The following ATP6V1C2 variants were observed in gnomAD, a reference collection of about 807,000 sequenced individuals.
The protein encoded by ATP6V1C2 is V-type proton ATPase subunit C 2.
Under a neutral mutation model 56.8 loss-of-function variants are expected in ATP6V1C2, and 45 were observed. The ratio of observed to expected loss-of-function variants is 0.79; its 90% CI spans 0.62 to 1.02. ATP6V1C2 has a LOEUF of 1.02. Ranked by LOEUF, ATP6V1C2 falls within the 50% of genes least tolerant of loss-of-function variation. The probability of loss-of-function intolerance (pLI) is 0.00; values close to 1 mark genes in which losing one functional copy is unlikely to be tolerated. For missense variants in ATP6V1C2, 463 were observed against 519.7 expected, an observed-to-expected ratio of 0.89 and a Z score of 1.06; for synonymous variants, 220 against 201.3, an observed-to-expected ratio of 1.09 and a Z score of -0.79.
chr2:10,722,716 C>T, intron 1 of ATP6V1C2, 108 bp from the exon 2 acceptor site: 2 of 1,211,298 alleles, frequency 1.7e-6, no homozygotes, highest in Non-Finnish European at 2.3e-6. Context: ...GTCCTTGGAG[C>T]TCATCCTAGA....
Position 10,763,342 on chromosome 2 carries a change from G to A in ATP6V1C2, c.284-989G>A, listed in dbSNP as rs1201858492. The stretch of plus-strand genomic sequence containing the variant: ...GACACGATCCTCCCTAGGAGGAGCC[G>A]GCGCCAGCTCTTTGTCCTCCCTTAG... On this transcript the variant is annotated intron_variant, in intron 4 of 13. Coordinates refer to ENST00000272238, the MANE Select transcript of ATP6V1C2 (RefSeq NM_001039362.2). This position sits in a 1 kb window ranked among gnomAD's most constrained non-coding sequence, Gnocchi z 4.2. Among the ~76,000 whole-genome samples the A allele has an allele frequency of 1.3e-5, 2 of 152,094 alleles. No homozygotes were observed. The highest frequency in any genetic ancestry group is 4.8e-5 in the African/African-American group (2 of 41,416).
intron 11 of ATP6V1C2, 105 bp from the exon 12 acceptor site, chr2:10,778,467 C>T: frequency 9.5e-7 from 1 of 1,057,168 alleles, no homozygotes; most frequent in Non-Finnish European, 1.4e-6. Context: ...CTCCTGGGCA[C>T]TTCTTCTCAG....
rs1429105408 is a variant in ATP6V1C2 at position 10,777,567 on chromosome 2, T to A, written c.826-18T>A. The A allele has an allele frequency of 6.2e-7, 1 of 1,602,106 alleles. No individual in the cohort carries two copies. The highest frequency in any genetic ancestry group is 1.3e-5 in the African/African-American group (1 of 74,260). ...GCATGTTTGCTGAAAGATTAATAAA[T>A]CATTTCTGTGCCTTTAGCAAACTTC... On this transcript the variant is annotated intron_variant, in intron 10 of 13. Coordinates refer to ENST00000272238, the MANE Select transcript of ATP6V1C2 (RefSeq NM_001039362.2).
Position 10,780,063 on chromosome 2 carries a change from A to G in ATP6V1C2, c.1061+1394A>G, listed in dbSNP as rs1374909706. 1.3e-5 allele frequency among the ~76,000 whole-genome samples: 2 copies of G among 151,684 alleles called. No individual in the cohort carries two copies. Among genetic ancestry groups the G allele is most frequent in the African/African-American group, 4.8e-5 (2 of 41,238 alleles). ...CCCCGCCTGCACTGAGGAGCTCCTC[A>G]TCCCTCCCTGCCGTCCCCCTGGCTG... On this transcript the variant is annotated intron_variant, in intron 12 of 13. Coordinates refer to ENST00000272238, the MANE Select transcript of ATP6V1C2 (RefSeq NM_001039362.2). The surrounding 1 kb of genome is among the most constrained non-coding windows in gnomAD (Gnocchi z 4.1).
At chr2:10,778,359 G>A (rs376097621) in intron 11 of ATP6V1C2, 36 of 570,990 alleles carry the variant, frequency 6.3e-5, no homozygotes, top group Admixed American at 5.7e-4. Flanking sequence ...TGCATGCACC[G>A]GGTGGCTGGC....
intron 3 of ATP6V1C2, among the ~76,000 whole-genome samples, chr2:10,748,896 G>A (rs755396695): frequency 2.0e-5 from 3 of 151,962 alleles, no homozygotes; most frequent in Non-Finnish European, 4.4e-5. Flanking sequence ...TTGGGCGGCC[G>A]AGTGGGTGGA....
chr2:10,732,967 C>CAAAAA lies in ATP6V1C2; in HGVS notation c.197+6407_197+6411dup, dbSNP rs34565390. 7.4e-3 allele frequency among the ~76,000 whole-genome samples: 933 copies of CAAAAA among 126,076 alleles called. 13 individuals carry two copies. The highest frequency in any genetic ancestry group is 0.025 in the African/African-American group (851 of 34,598). 82.7% of individuals were successfully genotyped at this position (126,076 alleles called of 152,430 possible). A position where few individuals can be genotyped will look rare whatever the true frequency, so the allele number is the denominator to read the frequency against. On this transcript the variant is annotated intron_variant, in intron 3 of 13. Transcript: ENST00000272238. ...GCCTGACGACAGAGCAAGACTGTCT[C>CAAAAA]AAAAAAAAAAAAAGAAAAAGAAATG... is the stretch of plus-strand genomic sequence containing the variant.
intron 6 of ATP6V1C2, among the ~76,000 whole-genome samples, chr2:10,769,542 A>G (rs554769133): frequency 6.6e-6 from 1 of 152,206 alleles, no homozygotes; most frequent in South Asian, 2.1e-4. Context: ...CGTCCCTACT[A>G]AAAATACAAA....
At chr2:10,764,468 C>A in intron 5 of ATP6V1C2, 43 bp downstream of exon 5, 1 of 1,567,464 alleles carries the variant, frequency 6.4e-7, no homozygotes, top group South Asian at 1.1e-5. Flanking sequence ...ACTGGTGGGT[C>A]AGGCGGGCAA....
At chr2:10,772,114 G>C (rs1384807645) in intron 7 of ATP6V1C2, among the ~76,000 whole-genome samples, 177 bp downstream of exon 7, 1 of 152,208 alleles carries the variant, frequency 6.6e-6, no homozygotes, top group East Asian at 1.9e-4. Context: ...GTGGTTGGGT[G>C]ATGGTGGTTG....
At chr2:10,778,986 C>A (rs540763893) in intron 12 of ATP6V1C2, among the ~76,000 whole-genome samples, 1 of 152,186 alleles carries the variant, frequency 6.6e-6, no homozygotes, top group Non-Finnish European at 1.5e-5. Context: ...CCGCAGGGCC[C>A]GAGTGGCTCC....
At chr2:10,760,648 TAC>T (rs571857383) in intron 4 of ATP6V1C2, among the ~76,000 whole-genome samples, 191 of 152,320 alleles carry the variant, frequency 1.3e-3, no homozygotes, top group Admixed American at 2.5e-3. Flanking sequence ...GCAGAGGTGA[TAC>T]ACAGTCTTTG....
At chr2:10,775,699 T>TGGG (rs1371309952) in intron 10 of ATP6V1C2, among the ~76,000 whole-genome samples, 1 of 152,130 alleles carries the variant, frequency 6.6e-6, no homozygotes, top group Non-Finnish European at 1.5e-5. Flanking sequence ...AGGAGAGCTT[T>TGGG]GGGAAGGTCC....
intron 6 of ATP6V1C2, among the ~76,000 whole-genome samples, chr2:10,771,449 G>A (rs1664592377): frequency 6.6e-6 from 1 of 152,230 alleles, no homozygotes; most frequent in Admixed American, 6.5e-5. Flanking sequence ...CCTAAGAGCT[G>A]GCCGTTGTGT....
intron 2 of ATP6V1C2, among the ~76,000 whole-genome samples, chr2:10,724,387 G>T (rs1572491304): frequency 6.6e-6 from 1 of 152,294 alleles, no homozygotes; most frequent in East Asian, 1.9e-4. Flanking sequence ...GACAGGCTGG[G>T]AGAGGCTAAG....
chr2:10,745,067 G>A (rs1232016052), intron 3 of ATP6V1C2, among the ~76,000 whole-genome samples: 16 of 110,402 alleles, frequency 1.4e-4, no homozygotes, highest in Admixed American at 1.3e-3. Context: ...TTTCTGAGAC[G>A]GAATTTCATT....
chr2:10,775,460 C>G (rs1030489539), intron 10 of ATP6V1C2, among the ~76,000 whole-genome samples: 2 of 152,216 alleles, frequency 1.3e-5, no homozygotes, highest in African/African-American at 4.8e-5. Context: ...GGCACGTGGG[C>G]TCCAGGCGGG....
intron 4 of ATP6V1C2, among the ~76,000 whole-genome samples, chr2:10,756,751 T>C (rs1663573073): frequency 6.6e-6 from 1 of 151,970 alleles, no homozygotes; most frequent in Non-Finnish European, 1.5e-5. Flanking sequence ...TATTTAGATA[T>C]ACAAATACTT....
intron 4 of ATP6V1C2, among the ~76,000 whole-genome samples, chr2:10,754,819 C>A (rs1408614769): frequency 6.6e-6 from 1 of 150,708 alleles, no homozygotes; most frequent in South Asian, 2.1e-4. Context: ...ACCTTGTGTC[C>A]GCCCGCCTCG....
Sources: gnomAD v4.1 joint callset for allele counts (sites outside exome capture counted in the v4.1 genomes callset) on GRCh38, gnomAD v4.1.1 for gene constraint, Gnocchi (gnomAD v3.1) non-coding constraint, MANE v1.5 for transcripts, NCBI Gene and HGNC (gene_info 2026-07-23, HGNC 2026-07-21) for gene names.